PDE4D: variants seen among roughly 807,000 people sequenced by gnomAD.
PDE4D encodes phosphodiesterase 4D, also known as 3',5'-cyclic-AMP phosphodiesterase 4D.
A neutral mutation model predicts 87.4 loss-of-function variants in PDE4D; 24 were observed. That is an observed-to-expected ratio of 0.27 (90% CI 0.20 to 0.39). The LOEUF is 0.39. PDE4D is among the 10% of genes least tolerant of loss of function. The pLI is 1.00. For synonymous variants in PDE4D, 384 were observed against 383.2 expected (o/e 1.00, Z -0.02); for missense variants, 714 against 1,041.0 (o/e 0.69, Z 4.32).
At chr5:60,049,068 T>C (rs1233851619) in intron 2 of PDE4D, among the ~76,000 whole-genome samples, 1 of 152,192 alleles carries the variant, frequency 6.6e-6, no homozygotes, top group African/African-American at 2.4e-5. Context: ...CCCGTTTCTT[T>C]TTATTCTTTT....
intron 1 of PDE4D, among the ~76,000 whole-genome samples, chr5:59,614,237 A>T (rs1829374313): frequency 1.3e-5 from 2 of 152,208 alleles, no homozygotes; most frequent in African/African-American, 4.8e-5. Context: ...CCATAGGAAT[A>T]GGCCACTTTA....
At chr5:58,989,311 T>TAAAC (rs1290445352) in intron 10 of PDE4D, among the ~76,000 whole-genome samples, 1 of 152,164 alleles carries the variant, frequency 6.6e-6, no homozygotes, top group Non-Finnish European at 1.5e-5. Context: ...ATTGCTTTAG[T>TAAAC]AAACAACTAA....
At position 60,174,025 on chromosome 5, in the gene PDE4D, A is replaced by G. The variant is rs149973027; in HGVS notation, c.42+11532T>C. ...GAAAATATTTAGGATATGTAGCAGT[A>G]TGTTTAAAGATGAGGAAGAATAATG... On this transcript the variant is annotated intron_variant, in intron 2 of 16. Coordinates refer to the PDE4D transcript ENST00000502484. Among the ~76,000 whole-genome samples the G allele has an allele frequency of 5.5e-3, 830 of 152,272 alleles. 4 individuals carry two copies. The highest frequency in any genetic ancestry group is 0.01 in the Middle Eastern group (3 of 294).
At chr5:60,045,280 A>G (rs926396044) in intron 2 of PDE4D, among the ~76,000 whole-genome samples, 1 of 151,830 alleles carries the variant, frequency 6.6e-6, no homozygotes, top group Non-Finnish European at 1.5e-5. Flanking sequence ...TCAGATGAGT[A>G]GGTTGTGAAA....
At chr5:60,309,371 G>A (rs1754797492) in intron 1 of PDE4D, among the ~76,000 whole-genome samples, 1 of 152,120 alleles carries the variant, frequency 6.6e-6, no homozygotes, top group East Asian at 1.9e-4. Context: ...TGTTCACAAT[G>A]AGCCTAACCA....
At chr5:59,494,844 G>A (rs947785101) in intron 1 of PDE4D, among the ~76,000 whole-genome samples, 1 of 152,094 alleles carries the variant, frequency 6.6e-6, no homozygotes, top group Non-Finnish European at 1.5e-5. Flanking sequence ...ACTACAAGCT[G>A]AGCCCAAACC....
At chr5:59,695,130 C>T (rs1751560155) in intron 1 of PDE4D, among the ~76,000 whole-genome samples, 1 of 151,858 alleles carries the variant, frequency 6.6e-6, no homozygotes, top group East Asian at 1.9e-4. Flanking sequence ...TAATGAGCAG[C>T]TCAAATCCAT....
chr5:59,936,813 TA>T (rs1416896289), intron 3 of PDE4D, among the ~76,000 whole-genome samples: 1 of 152,194 alleles, frequency 6.6e-6, no homozygotes, highest in East Asian at 1.9e-4. Context: ...ATATATTAAA[TA>T]AAAGCAAAAT....
At chr5:60,139,347 A>AACTT (rs1284320748) in intron 2 of PDE4D, among the ~76,000 whole-genome samples, 1 of 152,166 alleles carries the variant, frequency 6.6e-6, no homozygotes, top group Non-Finnish European at 1.5e-5. Flanking sequence ...GATTAACTGT[A>AACTT]ACTTATAACT....
intron 2 of PDE4D, among the ~76,000 whole-genome samples, chr5:60,031,167 G>A (rs959303297): frequency 2.0e-5 from 3 of 152,176 alleles, no homozygotes; most frequent in Non-Finnish European, 4.4e-5. Context: ...AGCATCTTAT[G>A]AAATGTATTT....
chr5:59,462,542 A>C (rs1231874075), intron 1 of PDE4D, among the ~76,000 whole-genome samples: 1 of 152,162 alleles, frequency 6.6e-6, no homozygotes, highest in Non-Finnish European at 1.5e-5. Context: ...TGACCATCTT[A>C]GTTAAGCAGA....
chr5:59,822,766 C>T (rs1769848071), intron 1 of PDE4D, among the ~76,000 whole-genome samples: 1 of 152,144 alleles, frequency 6.6e-6, no homozygotes, highest in African/African-American at 2.4e-5. Context: ...AACAATGCAG[C>T]CCCTGATAAC....
chr5:59,168,028 T>G (rs190658774), intron 5 of PDE4D, among the ~76,000 whole-genome samples: 51 of 151,900 alleles, frequency 3.4e-4, no homozygotes, highest in African/African-American at 1.1e-3. Flanking sequence ...TACAGTCAAT[T>G]AGAAATACTT....
At chr5:60,171,297 C>A (rs1783405537) in intron 2 of PDE4D, among the ~76,000 whole-genome samples, 1 of 151,894 alleles carries the variant, frequency 6.6e-6, no homozygotes, top group African/African-American at 2.4e-5. Flanking sequence ...ACAGTTGATT[C>A]CTAAAATTAT....
intron 1 of PDE4D, among the ~76,000 whole-genome samples, chr5:60,309,089 G>T (rs769754810): frequency 6.6e-6 from 1 of 152,058 alleles, no homozygotes; most frequent in Non-Finnish European, 1.5e-5. Context: ...TGAGTTCTTG[G>T]TGGGAAACTG....
At chr5:59,712,443 T>G (rs1418635562) in intron 1 of PDE4D, among the ~76,000 whole-genome samples, 2 of 145,490 alleles carry the variant, frequency 1.4e-5, no homozygotes, top group Non-Finnish European at 3.0e-5. Context: ...AGTTGTTTTA[T>G]TCTAAGTTCT....
chr5:60,467,840 AT>A (rs1181276867), intron 1 of PDE4D, among the ~76,000 whole-genome samples: 3 of 152,152 alleles, frequency 2.0e-5, no homozygotes, highest in Non-Finnish European at 4.4e-5. Flanking sequence ...TGTGCTACAC[AT>A]TTTTAAATAC....
chr5:60,108,550 A>G (rs1195893335), intron 2 of PDE4D, among the ~76,000 whole-genome samples: 1 of 152,244 alleles, frequency 6.6e-6, no homozygotes, highest in Non-Finnish European at 1.5e-5. Flanking sequence ...TCGCGTTGCC[A>G]AATGAATCCT....
At chr5:59,598,888 G>A (rs1434839158) in intron 1 of PDE4D, among the ~76,000 whole-genome samples, 3 of 152,068 alleles carry the variant, frequency 2.0e-5, no homozygotes, top group Admixed American at 6.6e-5. Context: ...AGGCTGCAGT[G>A]GGTGACAAAA....
Sources: gnomAD v4.1 joint callset for allele counts (sites outside exome capture counted in the v4.1 genomes callset) on GRCh38, gnomAD v4.1.1 for gene constraint, MANE v1.5 for transcripts, NCBI Gene and HGNC (gene_info 2026-07-23, HGNC 2026-07-21) for gene names.